RBFOX3: variants seen among roughly 807,000 people sequenced by gnomAD.
The protein encoded by RBFOX3 is RNA binding protein fox-1 homolog 3.
RBFOX3 carries 17 observed loss-of-function variants against 48.7 expected under a neutral mutation model. The ratio of observed to expected loss-of-function variants is 0.35; its 90% CI spans 0.24 to 0.52. The LOEUF (loss-of-function observed/expected upper bound fraction) is 0.52, where lower values mean the gene tolerates loss of function less well. Ranked by LOEUF, RBFOX3 falls within the 20% of genes least tolerant of loss-of-function variation. The probability of loss-of-function intolerance (pLI) is 0.94; values close to 1 mark genes in which losing one functional copy is unlikely to be tolerated. For missense variants in RBFOX3, 382 were observed against 497.5 expected, an observed-to-expected ratio of 0.77 and a Z score of 2.21; for synonymous variants, 212 against 209.5, an observed-to-expected ratio of 1.01 and a Z score of -0.10.
intron 3 of RBFOX3, among the ~76,000 whole-genome samples, chr17:79,257,094 C>A (rs956774099): frequency 1.3e-5 from 2 of 152,162 alleles, no homozygotes; most frequent in African/African-American, 4.8e-5. Context: ...TGAGGTTCGA[C>A]TCACATCCTT....
chr17:79,234,168 T>A (rs1446089254), intron 4 of RBFOX3: 1 of 152,266 alleles, frequency 6.6e-6, no homozygotes, highest in Non-Finnish European at 1.5e-5. Context: ...CACGGCCCAC[T>A]GTGGGAAGCC....
chr17:79,126,652 G>A lies in RBFOX3; in HGVS notation c.-33-10904C>T, dbSNP rs79859913. On this transcript the variant is annotated intron_variant, in intron 4 of 14. Coordinates refer to ENST00000693108, the MANE Select transcript of RBFOX3 (RefSeq NM_001350451.2). ...TGCATGGCAGGGAGTCTACATCCTC[G>A]TCTCTGGCTGCAATTGAGCACCCTG... is the stretch of plus-strand genomic sequence containing the variant. Among the ~76,000 whole-genome samples the A allele has an allele frequency of 5.6e-4, 86 of 152,232 alleles. 1 individual carries two copies. In the East Asian group the frequency reaches 7.7e-3, roughly 14 times the overall value.
the RBFOX3 span, among the ~76,000 whole-genome samples, chr17:79,619,609 G>T: frequency 6.6e-6 from 1 of 152,168 alleles, no homozygotes; most frequent in African/African-American, 2.4e-5. Context: ...GTCCAAATAA[G>T]GCAGGCTCTG....
At chr17:79,310,343 C>T (rs936486820) in intron 2 of RBFOX3, among the ~76,000 whole-genome samples, 1 of 152,250 alleles carries the variant, frequency 6.6e-6, no homozygotes, top group African/African-American at 2.4e-5. Context: ...TCCCAGGGTC[C>T]TCTCCCCATG....
At chr17:79,413,470 A>C (rs2064803994) in intron 2 of RBFOX3, among the ~76,000 whole-genome samples, 1 of 152,212 alleles carries the variant, frequency 6.6e-6, no homozygotes, top group Non-Finnish European at 1.5e-5. Context: ...GCCCCCCACA[A>C]ACAGCAGGGA....
rs558707425 is a variant in RBFOX3, at chr17:79,271,178, C to T, written c.-73-35373G>A. Among the ~76,000 whole-genome samples the T allele has an allele frequency of 6.6e-5, 10 of 151,914 alleles. No homozygotes were observed. The South Asian group carries it at 1.2e-3, about 19-fold the overall frequency. On this transcript the variant is annotated intron_variant, in intron 3 of 14. Transcript: ENST00000693108. ...GCAACCTCTGCCTCCCGGGTTCAAGCGATTCTCCTGCCTCAGCCTCCTGAG... is the reference window on the plus strand; with the variant it reads ...GCAACCTCTGCCTCCCGGGTTCAAGTGATTCTCCTGCCTCAGCCTCCTGAG...
the RBFOX3 span, among the ~76,000 whole-genome samples, chr17:79,625,737 AG>A: frequency 4.6e-5 from 7 of 152,242 alleles, no homozygotes; most frequent in African/African-American, 1.4e-4. Flanking sequence ...AGTTGCAGTG[AG>A]CCGAAATCGA....
At chr17:79,553,244 C>T (rs2091320361) in intron 1 of RBFOX3, among the ~76,000 whole-genome samples, 2 of 152,134 alleles carry the variant, frequency 1.3e-5, no homozygotes, top group Admixed American at 6.5e-5. Flanking sequence ...TGTGTTAATT[C>T]TCTTTATATT....
chr17:79,331,107 C>T (rs529849277), intron 2 of RBFOX3, among the ~76,000 whole-genome samples: 14 of 152,310 alleles, frequency 9.2e-5, no homozygotes, highest in African/African-American at 2.6e-4. Context: ...CCTCCCAGAC[C>T]GCCCAGCTCA....
At chr17:79,518,706 G>A (rs1463207158) in intron 1 of RBFOX3, among the ~76,000 whole-genome samples, 3 of 152,248 alleles carry the variant, frequency 2.0e-5, no homozygotes. Context: ...CCGGGGTTGA[G>A]GCCCCCTTGC....
intron 2 of RBFOX3, among the ~76,000 whole-genome samples, chr17:79,444,623 A>G (rs1243855480): frequency 3.9e-5 from 6 of 152,024 alleles, no homozygotes; most frequent in Non-Finnish European, 8.8e-5. Context: ...CCTGGCTTCC[A>G]GAGTCTCCCT....
At chr17:79,381,595 GCA>G (rs386799660) in intron 2 of RBFOX3, among the ~76,000 whole-genome samples, 3,805 of 152,294 alleles carry the variant, frequency 0.025, 62 homozygotes, top group African/African-American at 0.046. Flanking sequence ...ACCGGGCCTG[GCA>G]TCCAGCTGTG....
chr17:79,346,062 A>G (rs1260283299), intron 2 of RBFOX3, among the ~76,000 whole-genome samples: 1 of 152,124 alleles, frequency 6.6e-6, no homozygotes, highest in African/African-American at 2.4e-5. Flanking sequence ...CTGGGATTAC[A>G]AGCACACACC....
chr17:79,216,898 C>T (rs1302905352), intron 4 of RBFOX3, among the ~76,000 whole-genome samples: 1 of 152,158 alleles, frequency 6.6e-6, no homozygotes, highest in Non-Finnish European at 1.5e-5. Context: ...TGCCATTGAG[C>T]CCACTGCCCA....
intron 4 of RBFOX3, among the ~76,000 whole-genome samples, chr17:79,180,594 C>T (rs145634100): frequency 1.2e-4 from 19 of 152,316 alleles, no homozygotes; most frequent in African/African-American, 4.6e-4. Context: ...CCTTTACCTC[C>T]GGGGGCTGCT....
At chr17:79,563,200 C>T (rs1198450375) in intron 1 of RBFOX3, among the ~76,000 whole-genome samples, 1 of 147,310 alleles carries the variant, frequency 6.8e-6, no homozygotes, top group African/African-American at 2.5e-5. Context: ...AAAATGTGGG[C>T]CAGGTAGCCA....
At chr17:79,515,009 G>C (rs1034823298) in intron 1 of RBFOX3, among the ~76,000 whole-genome samples, 3 of 152,136 alleles carry the variant, frequency 2.0e-5, no homozygotes, top group African/African-American at 7.2e-5. Context: ...CCTGGGGTGA[G>C]GGAATTCTCC....
intron 1 of RBFOX3, among the ~76,000 whole-genome samples, chr17:79,589,207 T>G (rs1872367099): frequency 6.6e-6 from 1 of 152,198 alleles, no homozygotes; most frequent in African/African-American, 2.4e-5. Context: ...GCATGAATCC[T>G]CTTGCGCTGC....
intron 2 of RBFOX3, among the ~76,000 whole-genome samples, chr17:79,463,695 C>T (rs2075887934): frequency 1.4e-5 from 2 of 143,870 alleles, no homozygotes; most frequent in South Asian, 2.3e-4. Context: ...ACTGCCACTG[C>T]CATCACCACT....
Sources: allele counts gnomAD v4.1 joint callset (sites outside exome capture counted in the v4.1 genomes callset), GRCh38; gene constraint gnomAD v4.1.1; transcripts MANE v1.5; gene names NCBI Gene and HGNC (gene_info 2026-07-23, HGNC 2026-07-21).